Variants in FILIP1L observed in about 807,000 individuals in gnomAD.
The protein encoded by FILIP1L is filamin A-interacting protein 1-like.
In FILIP1L, 55 loss-of-function variants were observed where a neutral mutation model predicts 96.6. The ratio of observed to expected loss-of-function variants is 0.57; its 90% CI spans 0.46 to 0.71. The LOEUF (loss-of-function observed/expected upper bound fraction) is 0.71, where lower values mean the gene tolerates loss of function less well. Among genes scored for constraint, FILIP1L ranks in the 30% least tolerant of loss-of-function variants. The pLI is 0.00. For missense variants in FILIP1L, 1,304 were observed against 1,321.2 expected (o/e 0.99, Z 0.20); for synonymous variants, 467 against 473.9 (o/e 0.99, Z 0.19).
intron 4 of FILIP1L, among the ~76,000 whole-genome samples, chr3:99,885,512 G>A (rs929613515): frequency 2.0e-5 from 3 of 152,160 alleles, no homozygotes; most frequent in Non-Finnish European, 2.9e-5. Flanking sequence ...TAAACTCAAG[G>A]ATTTAAAATT....
chr3:99,971,333 C>CA (rs34655586), intron 1 of FILIP1L, among the ~76,000 whole-genome samples: 82,045 of 121,226 alleles, frequency 0.68, 26,468 homozygotes, highest in East Asian at 0.79. Flanking sequence ...GAGCCCATCT[C>CA]AAAAAAAAAA....
intron 4 of FILIP1L, among the ~76,000 whole-genome samples, chr3:99,881,672 A>G (rs954486719): frequency 6.6e-6 from 1 of 152,024 alleles, no homozygotes; most frequent in Non-Finnish European, 1.5e-5. Flanking sequence ...AGCTGGGATT[A>G]TACATGTGTG....
At chr3:100,020,995 G>C (rs1303652748) in intron 1 of FILIP1L, among the ~76,000 whole-genome samples, 1 of 152,082 alleles carries the variant, frequency 6.6e-6, no homozygotes, top group East Asian at 1.9e-4. Context: ...CTGATCTCTT[G>C]ACCTTGTGAT....
chr3:99,848,526 A>G lies in FILIP1L; in HGVS notation c.3150T>C (p.Asn1050=). The G allele has an allele frequency of 6.2e-7, 1 of 1,614,172 alleles. No individual in the cohort carries two copies. Among genetic ancestry groups the G allele is most frequent in the Non-Finnish European group, 8.5e-7 (1 of 1,180,022 alleles). The change falls in exon 5 of 6, where the codon AAT becomes AAC. Residue 1050 remains asparagine, a synonymous_variant. Coordinates refer to ENST00000477258, the MANE Select transcript of FILIP1L (RefSeq NM_001387850.1). ...CCTCAGTAGTTATCACACTTGAGCT[A>G]TTGCTGTTTGAACGCTGAAACTGCC... ...SSWQFQRSNS[N]SSSVITTEDN...
chr3:100,068,776 C>A (rs947346842), intron 1 of FILIP1L, among the ~76,000 whole-genome samples: 22 of 152,142 alleles, frequency 1.4e-4, no homozygotes, highest in African/African-American at 5.3e-4. Context: ...TACAGGCGCC[C>A]ACCACCATGC....
At chr3:99,916,935 C>T (rs780464530) in intron 4 of FILIP1L, among the ~76,000 whole-genome samples, 4 of 152,152 alleles carry the variant, frequency 2.6e-5, no homozygotes, top group Non-Finnish European at 5.9e-5. Flanking sequence ...GTTGCAAATT[C>T]AGGATACAGT....
At chr3:99,845,987 A>C (rs889965913) in intron 5 of FILIP1L, among the ~76,000 whole-genome samples, 1 of 152,234 alleles carries the variant, frequency 6.6e-6, no homozygotes, top group Non-Finnish European at 1.5e-5. Flanking sequence ...TTTGTGCATT[A>C]TCATAATAGA....
chr3:99,899,208 T>A (rs1182826376), intron 4 of FILIP1L, among the ~76,000 whole-genome samples: 2 of 152,226 alleles, frequency 1.3e-5, no homozygotes, highest in African/African-American at 4.8e-5. Context: ...TTCGTTGATC[T>A]TTATTTTGCA....
Position 99,973,460 on chromosome 3 carries a change from A to G in FILIP1L, c.-10-42430T>C, listed in dbSNP as rs186374398. ...TATAAAATAGAAATCTAAAATATGC[A>G]GTTATAAATACATATGAAAATTCCT... On this transcript the variant is annotated intron_variant, in intron 1 of 5. Coordinates refer to ENST00000477258, the MANE Select transcript of FILIP1L (RefSeq NM_001387850.1). 6.6e-5 allele frequency among the ~76,000 whole-genome samples: 10 copies of G among 152,298 alleles called. No individual in the cohort carries two copies. In the East Asian group the frequency reaches 1.9e-3, roughly 29 times the overall value.
At chr3:100,089,778 A>G (rs1235939027) in intron 1 of FILIP1L, among the ~76,000 whole-genome samples, 1 of 152,208 alleles carries the variant, frequency 6.6e-6, no homozygotes, top group African/African-American at 2.4e-5. Flanking sequence ...TAATTGAGGA[A>G]GATTTAGTCA....
chr3:100,076,465 A>G (rs960558896), intron 1 of FILIP1L, among the ~76,000 whole-genome samples: 74 of 152,310 alleles, frequency 4.9e-4, no homozygotes, highest in African/African-American at 1.5e-3. Flanking sequence ...ACAGCTTCAC[A>G]TCTACTTTAT....
At position 99,983,389 on chromosome 3, in the gene FILIP1L, A is replaced by AATATGTATATATATATAT. The variant is rs1553702701; in HGVS notation, c.-10-52360_-10-52359insATATATATATATACATAT. On this transcript the variant is annotated intron_variant, in intron 1 of 5. Coordinates refer to ENST00000477258, the MANE Select transcript of FILIP1L (RefSeq NM_001387850.1). ...TCTCTACTTAAAAAATAAATAAATA[A>AATATGTATATATATATAT]ATATATATATATATATATATATATA... Among the ~76,000 whole-genome samples the AATATGTATATATATATAT allele has an allele frequency of 6.1e-4, 25 of 40,772 alleles. 1 individual carries two copies. The highest frequency in any genetic ancestry group is 0.016 in the Middle Eastern group (1 of 64). 26.7% of individuals were successfully genotyped at this position (40,772 alleles called of 152,430 possible).
chr3:99,870,074 T>C (rs992935301), intron 4 of FILIP1L, among the ~76,000 whole-genome samples: 2 of 152,222 alleles, frequency 1.3e-5, no homozygotes, highest in African/African-American at 4.8e-5. Context: ...CTTTTATTTT[T>C]ATATTGTCTC....
chr3:100,081,721 C>T (rs1408911707), intron 1 of FILIP1L, among the ~76,000 whole-genome samples: 1 of 152,148 alleles, frequency 6.6e-6, no homozygotes, highest in African/African-American at 2.4e-5. Flanking sequence ...GTAAATGTTA[C>T]AATGATACAT....
At chr3:99,944,257 A>G (rs1707939357) in intron 1 of FILIP1L, among the ~76,000 whole-genome samples, 1 of 152,200 alleles carries the variant, frequency 6.6e-6, no homozygotes, top group Non-Finnish European at 1.5e-5. Flanking sequence ...GGATTTGGCC[A>G]AGAACCAGTG....
chr3:99,876,628 C>T (rs1705538752), intron 4 of FILIP1L, among the ~76,000 whole-genome samples: 1 of 152,104 alleles, frequency 6.6e-6, no homozygotes, highest in East Asian at 1.9e-4. Flanking sequence ...GTGGAGACAT[C>T]TCTGGGGGTG....
At chr3:99,896,988 T>C (rs1377806959) in intron 4 of FILIP1L, among the ~76,000 whole-genome samples, 1 of 152,168 alleles carries the variant, frequency 6.6e-6, no homozygotes, top group Non-Finnish European at 1.5e-5. Context: ...TGGAGAAAAG[T>C]GCTAGAGAGA....
At chr3:100,000,134 A>T (rs1285600577) in intron 1 of FILIP1L, among the ~76,000 whole-genome samples, 1 of 152,178 alleles carries the variant, frequency 6.6e-6, no homozygotes, top group Non-Finnish European at 1.5e-5. Flanking sequence ...TCAAGACCAG[A>T]ACACTTTACA....
intron 1 of FILIP1L, among the ~76,000 whole-genome samples, chr3:100,075,188 C>T (rs1251263623): frequency 1.1e-4 from 16 of 152,148 alleles, no homozygotes; most frequent in Admixed American, 1.0e-3. Context: ...AAATGATCAA[C>T]CTGAAACACT....
Sources: gnomAD v4.1 joint callset for allele counts (sites outside exome capture counted in the v4.1 genomes callset) on GRCh38, gnomAD v4.1.1 for gene constraint, MANE v1.5 for transcripts, NCBI Gene and HGNC (gene_info 2026-07-23, HGNC 2026-07-21) for gene names.